Variants in ZNF530 observed in about 807,000 individuals in gnomAD.
ZNF530 encodes zinc finger protein 530.
In ZNF530, 5 loss-of-function variants were observed where a neutral mutation model predicts 2.8. The observed-to-expected ratio is 1.80, with a 90% CI of 0.94 to 3.78. The LOEUF is 3.78. Among genes scored for constraint, ZNF530 ranks in the 30% most tolerant of loss-of-function variants. ZNF530 has a pLI of 0.00. For synonymous variants in ZNF530, 229 were observed against 235.0 expected (o/e 0.97, Z 0.23); for missense variants, 619 against 673.3 (o/e 0.92, Z 0.89).
rs773224560 is a variant in ZNF530, at chr19:57,604,371, T to C, written c.26T>C (p.Val9Ala). The C allele has an allele frequency of 9.9e-6, 16 of 1,614,062 alleles. 1 individual carries two copies. The Admixed American group carries it at 2.5e-4, about 25-fold the overall frequency. ...ATGCAGAGGCTCCTGTACCGCGATG[T>C]GATGCTGGAGAACTTTGCAGTTATG... MQRLLYRD[V>A]MLENFAVMAS... is the part of the protein sequence containing the mutation. Residue 9 changes from valine to alanine, a missense_variant, in exon 3 of 4, where the codon GTG (valine) becomes GCG (alanine). Coordinates refer to ENST00000597700, the MANE Select transcript of ZNF530 (RefSeq NM_001321981.2).
intron 2 of ZNF530, among the ~76,000 whole-genome samples, chr19:57,601,380 G>C (rs1164795088): frequency 6.6e-6 from 1 of 152,162 alleles, no homozygotes; most frequent in Non-Finnish European, 1.5e-5. Flanking sequence ...TCTGGTATTG[G>C]GACTGAGAGA....
chr19:57,602,795 A>C (rs1233652808), intron 2 of ZNF530, among the ~76,000 whole-genome samples: 1 of 152,252 alleles, frequency 6.6e-6, no homozygotes, highest in African/African-American at 2.4e-5. Context: ...AGGCCTCACA[A>C]TCATGGTGGA....
chr19:57,602,987 C>A (rs1980317590), intron 2 of ZNF530, among the ~76,000 whole-genome samples: 1 of 152,140 alleles, frequency 6.6e-6, no homozygotes, highest in Non-Finnish European at 1.5e-5. Context: ...ACCTCCCAGA[C>A]TCAAGGGATT....
downstream of ZNF530, among the ~76,000 whole-genome samples, chr19:57,611,949 C>T (rs1980894735): frequency 6.6e-6 from 1 of 152,134 alleles, no homozygotes; most frequent in African/African-American, 2.4e-5. Flanking sequence ...CGAAGCCAAC[C>T]AGAATTATTC....
Position 57,605,792 on chromosome 19 carries a change from G to A in ZNF530, c.168G>A (p.Lys56=). The A allele has an allele frequency of 6.2e-7, 1 of 1,614,180 alleles. No individual in the cohort carries two copies. Among genetic ancestry groups the A allele is most frequent in the East Asian group, 2.2e-5 (1 of 44,876 alleles). ...CAAAGGCAGATACATCCACTGATAA[G>A]AGTCACCCCTGTGAGATTTGTACCC... is the stretch of plus-strand genomic sequence containing the variant. ...RTPKADTSTD[K]SHPCEICTPV... is the part of the protein sequence containing the mutation. Residue 56 remains lysine, a synonymous_variant, in exon 4 of 4, where the codon AAG becomes AAA. Transcript: ENST00000597700.
Position 57,599,903 on chromosome 19 carries a change from C to G in ZNF530, c.-353C>G, listed in dbSNP as rs1050667416. 1.3e-5 allele frequency: 7 copies of G among 525,620 alleles called. No homozygotes were observed. In the African/African-American group the frequency reaches 1.3e-4, roughly 10 times the overall value. 32.6% of individuals were successfully genotyped at this position (525,620 alleles called of 1,614,324 possible). A position where few individuals can be genotyped will look rare whatever the true frequency, so the allele number is the denominator to read the frequency against. On this transcript the variant is annotated 5_prime_UTR_variant, in exon 1 of 4. Coordinates refer to ENST00000597700, the MANE Select transcript of ZNF530 (RefSeq NM_001321981.2). ...TCGGAGCGGAACTTCCGGCGTCCTC[C>G]CTGTGGCGGGCACTTTGGCTTGTGT...
At chr19:57,605,383 ATCT>A (rs1568623769) in intron 3 of ZNF530, 3 of 252,644 alleles carry the variant, frequency 1.2e-5, no homozygotes, top group Non-Finnish European at 2.3e-5. Context: ...GACACCAATA[ATCT>A]TCTGTGCAGT....
intron 3 of ZNF530, 83 bp downstream of exon 3, chr19:57,604,489 G>T: frequency 6.5e-7 from 1 of 1,531,210 alleles, no homozygotes; most frequent in Non-Finnish European, 8.8e-7. Flanking sequence ...CCTTTCTTCA[G>T]TTAGACCCTG....
downstream of ZNF530, among the ~76,000 whole-genome samples, chr19:57,610,406 G>T (rs1286727229): frequency 3.6e-5 from 5 of 139,848 alleles, no homozygotes; most frequent in Admixed American, 3.0e-4. Flanking sequence ...TTTCAAAAGT[G>T]TACATATGTG....
rs1357222986 is a variant in ZNF530 at position 57,599,941 on chromosome 19, CG to C, written c.-312del. 1 of 725,322 alleles carries C rather than the reference CG, an allele frequency of 1.4e-6. No homozygotes were observed. The highest frequency in any genetic ancestry group is 2.1e-6 in the Non-Finnish European group (1 of 471,468). 44.9% of individuals were successfully genotyped at this position (725,322 alleles called of 1,614,324 possible). ...CTTTGGCTTGTGTCAGTTCCATCCG[CG>C]GGTGCCGGATCTGGACCTAGGTGCT... On this transcript the variant is annotated 5_prime_UTR_variant, in exon 1 of 4. Transcript: ENST00000597700.
rs73939917 is a variant in ZNF530 at position 57,608,814 on chromosome 19, C to T, written c.*1489C>T. 9,732 of 152,116 alleles carry T rather than the reference C, an allele frequency of 0.064. 467 individuals are homozygous for T. Among genetic ancestry groups the T allele is most frequent in the East Asian group, 0.16 (806 of 5,166 alleles). 9.4% of individuals were successfully genotyped at this position (152,116 alleles called of 1,614,324 possible). ...TCATATAAAGTTTCATCCGGCCGGG[C>T]GCAGTGGCTCACACCTTTAATCCTA... is the stretch of plus-strand genomic sequence containing the variant. On this transcript the variant is annotated 3_prime_UTR_variant, in exon 4 of 4. Coordinates refer to ENST00000597700, the MANE Select transcript of ZNF530 (RefSeq NM_001321981.2).
intron 2 of ZNF530, among the ~76,000 whole-genome samples, chr19:57,603,906 G>A (rs1980368089): frequency 1.3e-5 from 2 of 152,162 alleles, no homozygotes; most frequent in Non-Finnish European, 2.9e-5. Context: ...AGAGAGGTGT[G>A]GTGGAAAGAG....
chr19:57,610,736 T>C (rs1403313276), downstream of ZNF530, among the ~76,000 whole-genome samples: 1 of 152,180 alleles, frequency 6.6e-6, no homozygotes, highest in East Asian at 1.9e-4. Flanking sequence ...GGTGACCGTT[T>C]TGGACAAAAT....
rs1425925312 is a variant in ZNF530, at chr19:57,609,544, G to C, written c.*2219G>C. 4.6e-5 allele frequency among the ~76,000 whole-genome samples: 7 copies of C among 152,168 alleles called. No individual in the cohort carries two copies. The highest frequency in any genetic ancestry group is 6.5e-5 in the Admixed American group (1 of 15,284). ...GGCACCAGTAATCCTAGCTACTCAG[G>C]AGACAGGCAGAAGAATCTCTTGAAC... is the stretch of plus-strand genomic sequence containing the variant. On this transcript the variant is annotated 3_prime_UTR_variant, in exon 4 of 4. Coordinates refer to ENST00000597700, the MANE Select transcript of ZNF530 (RefSeq NM_001321981.2).
intron 2 of ZNF530, among the ~76,000 whole-genome samples, 193 bp downstream of exon 2, chr19:57,600,972 A>C (rs1980206584): frequency 6.6e-6 from 1 of 152,186 alleles, no homozygotes. Flanking sequence ...TGAATGTGGA[A>C]GTTTGTCCCA....
downstream of ZNF530, chr19:57,612,416 T>C (rs1980909321): frequency 2.5e-6 from 1 of 399,724 alleles, no homozygotes; most frequent in South Asian, 1.3e-4. Flanking sequence ...TTCTTAGAAC[T>C]ATGAATAAGC....
downstream of ZNF530, chr19:57,612,440 A>T: frequency 2.5e-6 from 1 of 400,518 alleles, no homozygotes; most frequent in Non-Finnish European, 4.4e-6. Flanking sequence ...ATACTACAGC[A>T]TCCCTGTTCA....
chr19:57,603,083 G>T (rs527397076), intron 2 of ZNF530, among the ~76,000 whole-genome samples: 1 of 152,272 alleles, frequency 6.6e-6, no homozygotes, highest in Non-Finnish European at 1.5e-5. Context: ...TAGAGACGGG[G>T]TTTCACCACA....
At chr19:57,610,903 C>T (rs1221670900), downstream of ZNF530, among the ~76,000 whole-genome samples, 2 of 151,980 alleles carry the variant, frequency 1.3e-5, no homozygotes, top group African/African-American at 4.8e-5. Flanking sequence ...TTTTCAACCA[C>T]CCTCTCATTA....
Sources: allele counts gnomAD v4.1 joint callset (sites outside exome capture counted in the v4.1 genomes callset), GRCh38; gene constraint gnomAD v4.1.1; transcripts MANE v1.5; gene names NCBI Gene and HGNC (gene_info 2026-07-23, HGNC 2026-07-21).